ADGRA3: variants seen among roughly 807,000 people sequenced by gnomAD.
ADGRA3 encodes adhesion G protein-coupled receptor A3.
A neutral mutation model predicts 119.8 loss-of-function variants in ADGRA3; 56 were observed. The ratio of observed to expected loss-of-function variants is 0.47; its 90% confidence interval spans 0.38 to 0.58. ADGRA3 has a LOEUF of 0.58. Among genes scored for constraint, ADGRA3 ranks in the 20% least tolerant of loss-of-function variants. The pLI is 0.00. For missense variants in ADGRA3, 1,516 were observed against 1,649.0 expected (o/e 0.92, Z 1.40); for synonymous variants, 607 against 623.8 (o/e 0.97, Z 0.40).
At chr4:22,507,642 C>T (rs1719290436) in intron 1 of ADGRA3, among the ~76,000 whole-genome samples, 1 of 152,142 alleles carries the variant, frequency 6.6e-6, no homozygotes, top group South Asian at 2.1e-4. Flanking sequence ...TGCTGGAGGA[C>T]TCCAAGCAGG....
At chr4:22,414,362 G>GA (rs918278998) in intron 12 of ADGRA3, 6,395 of 351,418 alleles carry the variant, frequency 0.018, no homozygotes, top group South Asian at 0.025. Context: ...AACACATTTA[G>GA]AAAAAAAAAA....
intron 16 of ADGRA3, among the ~76,000 whole-genome samples, chr4:22,397,635 G>C (rs539801640): frequency 1.7e-4 from 26 of 152,198 alleles, no homozygotes; most frequent in African/African-American, 5.1e-4. Flanking sequence ...GTCATGGGAG[G>C]GACCCAGTGG....
rs1196430013 is a variant in ADGRA3 at position 22,482,239 on chromosome 4, A to G, written c.258-8396T>C. Among the ~76,000 whole-genome samples the G allele has an allele frequency of 2.0e-5, 3 of 152,206 alleles. No homozygotes were observed. The East Asian group carries it at 5.8e-4, about 29-fold the overall frequency. On this transcript the variant is annotated intron_variant, in intron 1 of 18. Coordinates refer to ENST00000334304, the MANE Select transcript of ADGRA3 (RefSeq NM_145290.4). ...CATTTCTCTCACAACAAAGTAAAAT[A>G]CATAAAGTATAAAAATCTTTTCCAA...
At chr4:22,469,759 T>C (rs1231862231) in intron 2 of ADGRA3, among the ~76,000 whole-genome samples, 1 of 152,130 alleles carries the variant, frequency 6.6e-6, no homozygotes, top group African/African-American at 2.4e-5. Context: ...GTATGAGCTT[T>C]AAATTACCTG....
chr4:22,515,497 G>C (rs539392479), intron 1 of ADGRA3, 31 bp downstream of exon 1: 3 of 1,597,262 alleles, frequency 1.9e-6, no homozygotes, highest in South Asian at 2.2e-5. Context: ...AGCCGAGCGG[G>C]AGAGGACCCA....
intron 9 of ADGRA3, 65 bp from the exon 10 acceptor site, chr4:22,435,531 A>C (rs1716360760): frequency 7.4e-7 from 1 of 1,354,562 alleles, no homozygotes; most frequent in Admixed American, 2.1e-5. Context: ...CACAATCCTG[A>C]CATTTTAACT....
chr4:22,499,513 C>T (rs1718976607), intron 1 of ADGRA3, among the ~76,000 whole-genome samples: 1 of 152,276 alleles, frequency 6.6e-6, no homozygotes, highest in Admixed American at 6.5e-5. Flanking sequence ...AATGACAGTT[C>T]CCTGCTCACC....
rs201777227 is a variant in ADGRA3, at chr4:22,392,720, G to GA, written c.2482-31dup. On this transcript the variant is annotated intron_variant, in intron 16 of 18. Coordinates refer to ENST00000334304, the MANE Select transcript of ADGRA3 (RefSeq NM_145290.4). ...AAGGAAGATCAAAGAATAAATAAAA[G>GA]AAAAAAAATGTTCCTACTAAGGCTT... The GA allele has an allele frequency of 5.3e-3, 8,275 of 1,573,592 alleles. 329 individuals are homozygous for GA. The African/African-American group carries it at 0.093, about 18-fold the overall frequency.
rs184056364 is a variant in ADGRA3, at chr4:22,480,067, C to A, written c.258-6224G>T. 7.6e-3 allele frequency among the ~76,000 whole-genome samples: 1,163 copies of A among 152,194 alleles called. 21 individuals are homozygous for A. The highest frequency in any genetic ancestry group is 0.027 in the African/African-American group (1,105 of 41,524). On this transcript the variant is annotated intron_variant, in intron 1 of 18. Coordinates refer to ENST00000334304, the MANE Select transcript of ADGRA3 (RefSeq NM_145290.4). ...GTAGATGACGGGTTGATGGGTGCAGCAAACCACCATGGCACATGTATACCT... is the reference window on the plus strand; with the variant it reads ...GTAGATGACGGGTTGATGGGTGCAGAAAACCACCATGGCACATGTATACCT...
chr4:22,491,269 AC>A (rs1289229763), intron 1 of ADGRA3, among the ~76,000 whole-genome samples: 2 of 152,234 alleles, frequency 1.3e-5, no homozygotes, highest in Admixed American at 1.3e-4. Context: ...CAGGTGCCAG[AC>A]GGCAAATACT....
At chr4:22,454,738 C>T (rs918259918) in intron 4 of ADGRA3, 128 bp downstream of exon 4, 4 of 691,326 alleles carry the variant, frequency 5.8e-6, no homozygotes, top group African/African-American at 3.6e-5. Flanking sequence ...TTGTGAGCTC[C>T]TTGTCCCCTA....
intron 2 of ADGRA3, among the ~76,000 whole-genome samples, chr4:22,464,836 C>G (rs1717598756): frequency 6.6e-6 from 1 of 152,230 alleles, no homozygotes; most frequent in South Asian, 2.1e-4. Flanking sequence ...GCCGCAGGAG[C>G]TGCCTGGGAA....
chr4:22,462,994 A>G (rs1717520188), intron 2 of ADGRA3, among the ~76,000 whole-genome samples: 1 of 152,300 alleles, frequency 6.6e-6, no homozygotes, highest in East Asian at 1.9e-4. Context: ...TGCCAGTGGC[A>G]GGCCCACACT....
At chr4:22,407,028 T>C (rs1162006896) in intron 14 of ADGRA3, among the ~76,000 whole-genome samples, 1 of 152,114 alleles carries the variant, frequency 6.6e-6, no homozygotes, top group African/African-American at 2.4e-5. Flanking sequence ...TCCCAGCACT[T>C]TGGGAGGCCG....
chr4:22,414,601 T>G (rs887500815), intron 12 of ADGRA3: 6 of 699,472 alleles, frequency 8.6e-6, no homozygotes, highest in Non-Finnish European at 1.6e-5. Flanking sequence ...TTCACCGGAA[T>G]TTCCCCTTAA....
intron 1 of ADGRA3, among the ~76,000 whole-genome samples, chr4:22,480,438 T>G (rs1003346698): frequency 7.9e-5 from 12 of 151,908 alleles, no homozygotes; most frequent in African/African-American, 2.9e-4. Context: ...ACTCAGGAGG[T>G]GAAGGTGGGA....
At chr4:22,471,681 C>A (rs188354930) in intron 2 of ADGRA3, among the ~76,000 whole-genome samples, 1 of 151,984 alleles carries the variant, frequency 6.6e-6, no homozygotes, top group East Asian at 1.9e-4. Context: ...ACACAAGAGG[C>A]CCAGGTCCCA....
At chr4:22,479,685 A>C (rs986664427) in intron 1 of ADGRA3, among the ~76,000 whole-genome samples, 1 of 152,148 alleles carries the variant, frequency 6.6e-6, no homozygotes, top group Non-Finnish European at 1.5e-5. Context: ...TACTATAGAG[A>C]CACATGCACA....
intron 11 of ADGRA3, among the ~76,000 whole-genome samples, chr4:22,423,303 A>C (rs1472987340): frequency 1.3e-5 from 2 of 152,176 alleles, no homozygotes; most frequent in African/African-American, 4.8e-5. Context: ...GAAAATACTA[A>C]ACTTAATTGA....
Sources: allele counts gnomAD v4.1 joint callset (sites outside exome capture counted in the v4.1 genomes callset), GRCh38; gene constraint gnomAD v4.1.1; transcripts MANE v1.5; gene names NCBI Gene and HGNC (gene_info 2026-07-23, HGNC 2026-07-21).